SCUBE3: variants seen among roughly 807,000 people sequenced by gnomAD.
The protein encoded by SCUBE3 is signal peptide, CUB domain and EGF like domain containing 3, also known as signal peptide, CUB and EGF-like domain-containing protein 3.
In SCUBE3, 33 loss-of-function variants were observed where a neutral mutation model predicts 116.8. The ratio of observed to expected loss-of-function variants is 0.28; its 90% CI spans 0.21 to 0.38. The LOEUF (loss-of-function observed/expected upper bound fraction) is 0.38, where lower values mean the gene tolerates loss of function less well. Ranked by LOEUF, SCUBE3 falls within the 10% of genes least tolerant of loss-of-function variation. SCUBE3 has a pLI of 1.00. For synonymous variants in SCUBE3, 418 were observed against 496.9 expected, an observed-to-expected ratio of 0.84 and a Z score of 2.11; for missense variants, 1,007 against 1,324.8, an observed-to-expected ratio of 0.76 and a Z score of 3.72.
Position 35,241,296 on chromosome 6 carries a change from G to A in SCUBE3, c.1195+30G>A. ...GCAGTGCCCTCTGCTGGCCAAAGAT[G>A]ACACTGCCATTTCAGGGAGCAGTTG... On this transcript the variant is annotated intron_variant, in intron 10 of 21. Coordinates refer to ENST00000274938, the MANE Select transcript of SCUBE3 (RefSeq NM_152753.4). This position sits in a 1 kb window ranked among gnomAD's most constrained non-coding sequence, Gnocchi z 4.1. 6.4e-7 allele frequency: 1 copy of A among 1,572,706 alleles called. No individual in the cohort carries two copies. The highest frequency in any genetic ancestry group is 1.3e-5 in the African/African-American group (1 of 74,104).
intron 1 of SCUBE3, chr6:35,221,003 G>T (rs1783100764): frequency 6.6e-6 from 1 of 152,238 alleles, no homozygotes; most frequent in Admixed American, 6.5e-5. Flanking sequence ...TTGATCTGGA[G>T]GTAGAGCAGA....
Position 35,241,809 on chromosome 6 carries a change from C to T in SCUBE3, c.1316C>T (p.Ser439Phe), listed in dbSNP as rs202014680. 6.2e-7 allele frequency: 1 copy of T among 1,612,740 alleles called. No individual in the cohort carries two copies. Among genetic ancestry groups the T allele is most frequent in the Admixed American group, 1.7e-5 (1 of 60,034 alleles). Residue 439 changes from serine (S) to phenylalanine (F), a missense_variant, in exon 12 of 22, where the codon TCT becomes TTT. This residue lies in a region of SCUBE3 where 544 missense variants were observed against 638.9 expected (regional missense o/e 0.85). Coordinates refer to ENST00000274938, the MANE Select transcript of SCUBE3 (RefSeq NM_152753.4). The surrounding 1 kb of genome is among the most constrained non-coding windows in gnomAD (Gnocchi z 4.1). ...CPSRARFLPE[S>F]ENGFTVSCGT... ...TGTGACAGGCTCCTTTTCTCAGAGT[C>T]TGAGAATGGCTTCACGGTGAGCTGT...
chr6:35,237,979 G>T lies in SCUBE3; in HGVS notation c.790G>T (p.Val264Leu), dbSNP rs1319585343. ...GACTGGTGTCCACTGCACCTGCCCTGTGGGCTTCATGCTGCAGCCAGACAG... is the reference window on the plus strand; with the variant it reads ...GACTGGTGTCCACTGCACCTGCCCTTTGGGCTTCATGCTGCAGCCAGACAG... ...AATGVHCTCP[V>L]GFMLQPDRKT... The change falls in exon 7 of 22, where the codon GTG becomes TTG. Residue 264 changes from valine (V) to leucine (L), a missense_variant. Transcript: ENST00000274938. The T allele has an allele frequency of 6.2e-7, 1 of 1,611,654 alleles. No individual in the cohort carries two copies. Among genetic ancestry groups the T allele is most frequent in the South Asian group, 1.1e-5 (1 of 90,954 alleles).
In SCUBE3 at chr6:35,242,680, T is replaced by G. The variant is rs1401525190; in HGVS notation, c.1593T>G (p.Ser531=). Residue 531 remains serine, a synonymous_variant, in exon 14 of 22, where the codon TCT becomes TCG. Coordinates refer to ENST00000274938, the MANE Select transcript of SCUBE3 (RefSeq NM_152753.4). The part of the protein sequence containing the change: ...VTFIHLKCDS[S]RKGKGRRART... Reference sequence around the variant, plus strand: ...TCATCCACCTTAAGTGTGACTCCTCTCGGAAGGGCAAGGGCCGACGGGCCC... The same window carrying G: ...TCATCCACCTTAAGTGTGACTCCTCGCGGAAGGGCAAGGGCCGACGGGCCC... 6.2e-7 allele frequency: 1 copy of G among 1,614,020 alleles called. No homozygotes were observed. The highest frequency in any genetic ancestry group is 2.2e-5 in the East Asian group (1 of 44,876).
At chr6:35,227,178 A>G (rs1783361707) in intron 1 of SCUBE3, among the ~76,000 whole-genome samples, 1 of 152,138 alleles carries the variant, frequency 6.6e-6, no homozygotes, top group African/African-American at 2.4e-5. Flanking sequence ...CCACCTTCCC[A>G]GAGACCACTG....
At position 35,243,043 on chromosome 6, in the gene SCUBE3, C is replaced by T; in HGVS notation, c.1716C>T (p.Leu572=). 1 of 1,614,156 alleles carries T rather than the reference C, an allele frequency of 6.2e-7. No homozygotes were observed. The highest frequency in any genetic ancestry group is 8.5e-7 in the Non-Finnish European group (1 of 1,180,042). The part of the protein sequence containing the change: ...ETTASCGLPC[L]RQRMERRLKG... ...CAGCCAGCTGTGGGCTGCCCTGCCT[C>T]CGACAGCGAATGGAACGGCGGCTGA... Residue 572 remains leucine, a synonymous_variant, in exon 15 of 22, where the codon CTC becomes CTT. Coordinates refer to ENST00000274938, the MANE Select transcript of SCUBE3 (RefSeq NM_152753.4). This position sits in a 1 kb window ranked among gnomAD's most constrained non-coding sequence, Gnocchi z 6.6.
chr6:35,233,339 T>C lies in SCUBE3; in HGVS notation c.712+38T>C, dbSNP rs1401095344. The stretch of plus-strand genomic sequence containing the variant: ...AGGGGAGAACTCAGTCCACCTGAGA[T>C]GGGGTGGGGGTGGGACCCTTTGGGA... On this transcript the variant is annotated intron_variant, in intron 6 of 21. Transcript: ENST00000274938. This position sits in a 1 kb window ranked among gnomAD's most constrained non-coding sequence, Gnocchi z 5.7. The C allele has an allele frequency of 3.3e-6, 3 of 910,752 alleles. No individual in the cohort carries two copies. Among genetic ancestry groups the C allele is most frequent in the Admixed American group, 2.1e-5 (1 of 48,470 alleles). 56.4% of individuals were successfully genotyped at this position (910,752 alleles called of 1,614,324 possible).
rs1050719826 is a variant in SCUBE3, at chr6:35,219,812, G to A, written c.85+5309G>A. The stretch of plus-strand genomic sequence containing the variant: ...TATTTATTTGGAGTTTTCCTCTGGC[G>A]GTTTGAAGCTGTTAACAGCAGGAAC... On this transcript the variant is annotated intron_variant, in intron 1 of 21. Transcript: ENST00000274938. This position sits in a 1 kb window ranked among gnomAD's most constrained non-coding sequence, Gnocchi z 4.7. 2.0e-5 allele frequency among the ~76,000 whole-genome samples: 3 copies of A among 152,148 alleles called. No homozygotes were observed. Among genetic ancestry groups the A allele is most frequent in the African/African-American group, 4.8e-5 (2 of 41,414 alleles).
chr6:35,224,048 G>C (rs945138776), intron 1 of SCUBE3: 1 of 152,244 alleles, frequency 6.6e-6, no homozygotes, highest in Non-Finnish European at 1.5e-5. Flanking sequence ...ACCAGGAACG[G>C]GGCTTACAAG....
Position 35,233,009 on chromosome 6 carries a change from G to A in SCUBE3, c.595+34G>A. Reference sequence around the variant, plus strand: ...ATTGGGATGGCAGGTGGGGCAGTGGGGTCGGGGGTGAAAACATAGAGGAAG... The same window carrying A: ...ATTGGGATGGCAGGTGGGGCAGTGGAGTCGGGGGTGAAAACATAGAGGAAG... On this transcript the variant is annotated intron_variant, in intron 5 of 21. Coordinates refer to ENST00000274938, the MANE Select transcript of SCUBE3 (RefSeq NM_152753.4). The surrounding 1 kb of genome is among the most constrained non-coding windows in gnomAD (Gnocchi z 5.7). The A allele has an allele frequency of 6.2e-7, 1 of 1,611,870 alleles. No homozygotes were observed. Among genetic ancestry groups the A allele is most frequent in the Non-Finnish European group, 8.5e-7 (1 of 1,178,366 alleles).
At position 35,214,545 on chromosome 6, in the gene SCUBE3, G is replaced by T; in HGVS notation, c.85+42G>T. ...GCGCGGCCTGGGGGCTGTCCTGGCT[G>T]CTGGGCCTCAGGGCCTAGGAGCGAT... is the stretch of plus-strand genomic sequence containing the variant. On this transcript the variant is annotated intron_variant, in intron 1 of 21. Transcript: ENST00000274938. This position sits in a 1 kb window ranked among gnomAD's most constrained non-coding sequence, Gnocchi z 6.3. The T allele has an allele frequency of 2.3e-6, 3 of 1,319,490 alleles. No individual in the cohort carries two copies. Among genetic ancestry groups the T allele is most frequent in the Non-Finnish European group, 2.0e-6 (2 of 992,618 alleles). The allele number at this position is 1,319,490 out of a possible 1,614,324, so 81.7% of individuals were successfully genotyped here.
At position 35,232,822 on chromosome 6, in the gene SCUBE3, G is replaced by A; in HGVS notation, c.470-28G>A. 1.2e-6 allele frequency: 2 copies of A among 1,611,956 alleles called. No homozygotes were observed. Among genetic ancestry groups the A allele is most frequent in the South Asian group, 1.1e-5 (1 of 91,006 alleles). On this transcript the variant is annotated intron_variant, in intron 4 of 21. Transcript: ENST00000274938. The surrounding 1 kb of genome is among the most constrained non-coding windows in gnomAD (Gnocchi z 4.2). Reference sequence around the variant, plus strand: ...TTTTCTAGACATCCAGGGGTACAGAGCATTCACACCCCTTTCTTCTCTTTT... The same window carrying A: ...TTTTCTAGACATCCAGGGGTACAGAACATTCACACCCCTTTCTTCTCTTTT...
Position 35,241,590 on chromosome 6 carries a change from A to G in SCUBE3, c.1243A>G (p.Ser415Gly). ...TCCTGGGGCCTCGAAAGCCATGCTC[A>G]GCTGCAACCGGTCTGGCAAGAAGGA... ...GSPGASKAML[S>G]CNRSGKKDTC... The change falls in exon 11 of 22, where the codon AGC (serine) becomes GGC (glycine). Residue 415 changes from serine to glycine, a missense_variant. By Grantham distance (56) the Ser-to-Gly change is moderately conservative (BLOSUM62 0). Transcript: ENST00000274938. The surrounding 1 kb of genome is among the most constrained non-coding windows in gnomAD (Gnocchi z 4.1). 6.2e-7 allele frequency: 1 copy of G among 1,614,184 alleles called. No individual in the cohort carries two copies. Among genetic ancestry groups the G allele is most frequent in the Non-Finnish European group, 8.5e-7 (1 of 1,180,006 alleles).
At position 35,244,029 on chromosome 6, in the gene SCUBE3, C is replaced by T; in HGVS notation, c.2138C>T (p.Thr713Ile). 1.9e-6 allele frequency: 3 copies of T among 1,614,152 alleles called. No homozygotes were observed. Among genetic ancestry groups the T allele is most frequent in the Non-Finnish European group, 2.5e-6 (3 of 1,179,994 alleles). The change falls in exon 17 of 22, where the codon ACC (threonine) becomes ATC (isoleucine). Residue 713 changes from threonine (T) to isoleucine (I), a missense_variant. By Grantham distance (89) the Thr-to-Ile change is moderately conservative. Coordinates refer to ENST00000274938, the MANE Select transcript of SCUBE3 (RefSeq NM_152753.4). The surrounding 1 kb of genome is among the most constrained non-coding windows in gnomAD (Gnocchi z 4.3). ...FKPCQPCPRG[T>I]YQPEAGRTLC... Reference sequence around the variant, plus strand: ...CCCTGTCAGCCATGCCCACGTGGCACCTACCAACCTGAAGCAGGACGGACC... The same window carrying T: ...CCCTGTCAGCCATGCCCACGTGGCATCTACCAACCTGAAGCAGGACGGACC...
At chr6:35,234,266 G>A (rs1186461454) in intron 6 of SCUBE3, among the ~76,000 whole-genome samples, 1 of 152,192 alleles carries the variant, frequency 6.6e-6, no homozygotes, top group African/African-American at 2.4e-5. Flanking sequence ...ATGAATGACT[G>A]TCCATCTGGT....
chr6:35,243,158 C>T lies in SCUBE3; in HGVS notation c.1831C>T (p.Pro611Ser), dbSNP rs777372086. The T allele has an allele frequency of 3.1e-6, 5 of 1,614,214 alleles. No individual in the cohort carries two copies. Among genetic ancestry groups the T allele is most frequent in the Non-Finnish European group, 4.2e-6 (5 of 1,180,030 alleles). Residue 611 changes from proline to serine, a missense_variant, in exon 15 of 22, where the codon CCG becomes TCG. Transcript: ENST00000274938. This position sits in a 1 kb window ranked among gnomAD's most constrained non-coding sequence, Gnocchi z 6.6. ...AGLDYELAHK[P>S]GLVAGERAEP... ...CCTTGATTATGAGCTGGCCCACAAG[C>T]CGGGCCTGGTAGCCGGGGAGCGAGC... is the stretch of plus-strand genomic sequence containing the variant.
chr6:35,241,762 G>T lies in SCUBE3; in HGVS notation c.1313-44G>T, dbSNP rs368500230. On this transcript the variant is annotated intron_variant, in intron 11 of 21. Transcript: ENST00000274938. This position sits in a 1 kb window ranked among gnomAD's most constrained non-coding sequence, Gnocchi z 4.1. ...CCCCTGGATTCCTCCAGCCAGCGGG[G>T]GTTGGGAAGGCAGGTCAGAACTGTG... The T allele has an allele frequency of 6.5e-7, 1 of 1,547,758 alleles. No individual in the cohort carries two copies. The highest frequency in any genetic ancestry group is 8.9e-7 in the Non-Finnish European group (1 of 1,119,424).
rs2150293045 is a variant in SCUBE3, at chr6:35,227,574, T to C, written c.86-6T>C. On this transcript the variant is annotated splice_region_variant and splice_polypyrimidine_tract_variant and intron_variant, in intron 1 of 21. Transcript: ENST00000274938. The stretch of plus-strand genomic sequence containing the variant: ...GGTTCTCATGTGCCCCCTCTGCCCC[T>C]GCCAGATGTGGATGAGTGTGTGGAG... 6.2e-7 allele frequency: 1 copy of C among 1,614,110 alleles called. No homozygotes were observed. The highest frequency in any genetic ancestry group is 8.5e-7 in the Non-Finnish European group (1 of 1,179,996).
In SCUBE3 at chr6:35,239,014, A is replaced by G. The variant is rs1783905300; in HGVS notation, c.830-738A>G. ...GCTGCCCTCCCTGCCCCTTCCCCCA[A>G]CCAGGGGTGAGTAGCCTGGGTCCTG... is the stretch of plus-strand genomic sequence containing the variant. On this transcript the variant is annotated intron_variant, in intron 7 of 21. Coordinates refer to ENST00000274938, the MANE Select transcript of SCUBE3 (RefSeq NM_152753.4). The surrounding 1 kb of genome is among the most constrained non-coding windows in gnomAD (Gnocchi z 4.1). Among the ~76,000 whole-genome samples the G allele has an allele frequency of 6.6e-6, 1 of 152,060 alleles. No homozygotes were observed.
Sources: allele counts gnomAD v4.1 joint callset (sites outside exome capture counted in the v4.1 genomes callset), GRCh38; gene constraint gnomAD v4.1.1; regional missense constraint gnomAD v4.1.1; non-coding constraint Gnocchi (gnomAD v3.1); transcripts MANE v1.5; gene names NCBI Gene and HGNC (gene_info 2026-07-23, HGNC 2026-07-21).